The following NTM variants were observed in gnomAD, a reference collection of about 807,000 sequenced individuals.
The protein encoded by NTM is IgLON family member 2.
Under a neutral mutation model 42.1 loss-of-function variants are expected in NTM, and 13 were observed. That is an observed-to-expected ratio of 0.31 (90% CI 0.20 to 0.49). The LOEUF is 0.49. Ranked by LOEUF, NTM falls within the 20% of genes least tolerant of loss-of-function variation. NTM has a pLI of 0.99. For missense variants in NTM, 373 were observed against 452.8 expected, an observed-to-expected ratio of 0.82 and a Z score of 1.60; for synonymous variants, 187 against 179.2, an observed-to-expected ratio of 1.04 and a Z score of -0.35.
chr11:131,752,176 T>C (rs1237305470), intron 1 of NTM, among the ~76,000 whole-genome samples: 1 of 152,180 alleles, frequency 6.6e-6, no homozygotes, highest in Non-Finnish European at 1.5e-5. Flanking sequence ...TGGAAAATGC[T>C]AGAACCACTT....
chr11:131,994,214 T>C lies in NTM; in HGVS notation c.167+82566T>C, dbSNP rs564913791. 5.3e-5 allele frequency among the ~76,000 whole-genome samples: 8 copies of C among 152,344 alleles called. 1 individual carries two copies. The South Asian group carries it at 1.7e-3, about 32-fold the overall frequency. Reference sequence around the variant, plus strand: ...CCTTGAGAAGAACAGTTGTATTCTTTATTGTTATTTACATACATATCTGTC... The same window carrying C: ...CCTTGAGAAGAACAGTTGTATTCTTCATTGTTATTTACATACATATCTGTC... On this transcript the variant is annotated intron_variant, in intron 2 of 8. Transcript: ENST00000683400.
intron 1 of NTM, among the ~76,000 whole-genome samples, chr11:131,429,114 A>G (rs1465791091): frequency 1.3e-5 from 2 of 152,100 alleles, no homozygotes; most frequent in African/African-American, 2.4e-5. Context: ...ATATGGTTCT[A>G]CCACAGAGCC....
At chr11:132,129,156 T>C (rs1228699532) in intron 2 of NTM, among the ~76,000 whole-genome samples, 1 of 152,054 alleles carries the variant, frequency 6.6e-6, no homozygotes, top group African/African-American at 2.4e-5. Flanking sequence ...TGGGGTCTAT[T>C]GGTCATATAT....
intron 2 of NTM, among the ~76,000 whole-genome samples, chr11:132,117,681 G>A (rs2064102697): frequency 6.6e-6 from 1 of 152,152 alleles, no homozygotes; most frequent in Admixed American, 6.5e-5. Context: ...TTATTGGTCT[G>A]CATTGGATTT....
intron 4 of NTM, among the ~76,000 whole-genome samples, chr11:132,282,568 T>C (rs1206343430): frequency 6.6e-6 from 1 of 152,154 alleles, no homozygotes; most frequent in Admixed American, 6.5e-5. Flanking sequence ...AAAGCTCATG[T>C]TTTCCAAAAA....
intron 1 of NTM, among the ~76,000 whole-genome samples, chr11:131,500,716 T>C (rs1397374906): frequency 7.2e-6 from 1 of 139,254 alleles, no homozygotes; most frequent in Admixed American, 7.2e-5. Flanking sequence ...CTATATCTCC[T>C]AATGCTATCC....
intron 1 of NTM, among the ~76,000 whole-genome samples, chr11:131,424,881 A>AT (rs1947960272): frequency 1.0e-5 from 1 of 97,182 alleles, no homozygotes; most frequent in Non-Finnish European, 2.2e-5. Context: ...TTTTTTTTTT[A>AT]TTTTTTTATT....
intron 1 of NTM, among the ~76,000 whole-genome samples, chr11:131,620,677 TCACTC>T (rs1442649553): frequency 6.6e-6 from 1 of 152,208 alleles, no homozygotes; most frequent in East Asian, 1.9e-4. Flanking sequence ...CTCGCTGACT[TCACTC>T]AAGTCTATGC....
chr11:131,565,445 G>A (rs978768544), intron 1 of NTM, among the ~76,000 whole-genome samples: 4 of 152,262 alleles, frequency 2.6e-5, no homozygotes, highest in Admixed American at 6.5e-5. Flanking sequence ...CGGTGAGAGC[G>A]GGGTTGGTTC....
intron 1 of NTM, among the ~76,000 whole-genome samples, chr11:131,517,386 G>A (rs554275896): frequency 6.3e-4 from 96 of 152,236 alleles, no homozygotes; most frequent in Admixed American, 1.9e-3. Context: ...CCTTGGTTAC[G>A]GCATGGCCTG....
intron 1 of NTM, among the ~76,000 whole-genome samples, chr11:131,729,146 T>A (rs1287654434): frequency 1.3e-5 from 2 of 151,980 alleles, no homozygotes; most frequent in Non-Finnish European, 1.5e-5. Context: ...CTGTCCTGAG[T>A]TTTTTTTATC....
At position 131,708,274 on chromosome 11, in the gene NTM, C is replaced by G. The variant is rs1022922854; in HGVS notation, c.83-203290C>G. The stretch of plus-strand genomic sequence containing the variant: ...TAAAATAAACTGAAAATATGAAGAG[C>G]TAGTTAAAATACATGAATGTTCAAG... On this transcript the variant is annotated intron_variant, in intron 1 of 8. Transcript: ENST00000683400. Among the ~76,000 whole-genome samples, 4 of 152,112 alleles carry G rather than the reference C, an allele frequency of 2.6e-5. 1 individual carries two copies. The South Asian group carries it at 8.3e-4, about 31-fold the overall frequency.
chr11:131,599,826 T>C (rs1377311924), intron 1 of NTM, among the ~76,000 whole-genome samples: 1 of 152,160 alleles, frequency 6.6e-6, no homozygotes, highest in Non-Finnish European at 1.5e-5. Flanking sequence ...TGAAGAATGG[T>C]TGGGGATTTC....
At chr11:132,164,425 C>G (rs1236965441) in intron 3 of NTM, among the ~76,000 whole-genome samples, 1 of 152,196 alleles carries the variant, frequency 6.6e-6, no homozygotes, top group Non-Finnish European at 1.5e-5. Context: ...CTCATGAGCT[C>G]AGATGGCAAT....
At chr11:131,618,890 T>G (rs1021922724) in intron 1 of NTM, among the ~76,000 whole-genome samples, 1 of 152,206 alleles carries the variant, frequency 6.6e-6, no homozygotes, top group Admixed American at 6.5e-5. Context: ...AAGATGGTAT[T>G]CCTGAAGAAA....
intron 3 of NTM, among the ~76,000 whole-genome samples, chr11:132,209,875 A>G (rs979272165): frequency 1.3e-5 from 2 of 152,190 alleles, no homozygotes; most frequent in African/African-American, 4.8e-5. Flanking sequence ...CTTATTAATG[A>G]TGAGCATTTC....
rs527593512 is a variant in NTM, at chr11:132,267,763, A to T, written c.527-39926A>T. ...AGGTTGATGCAGGAGAATCACTTGA[A>T]CTGGGGAGGCAGATGTTGCAGCGAG... On this transcript the variant is annotated intron_variant, in intron 4 of 8. Coordinates refer to ENST00000683400, the MANE Select transcript of NTM (RefSeq NM_001352005.2). Among the ~76,000 whole-genome samples the T allele has an allele frequency of 7.3e-5, 11 of 151,692 alleles. No individual in the cohort carries two copies. The South Asian group carries it at 2.1e-3, about 29-fold the overall frequency.
rs375585109 is a variant in NTM at position 131,507,377 on chromosome 11, C to A, written c.82+136489C>A. On this transcript the variant is annotated intron_variant, in intron 1 of 8. Coordinates refer to ENST00000683400, the MANE Select transcript of NTM (RefSeq NM_001352005.2). ...AGATCAGATAGTTGTAGATATGCGG[C>A]GTTATTTCTGAGGGCTCTGTTCTGT... is the stretch of plus-strand genomic sequence containing the variant. 9.9e-4 allele frequency among the ~76,000 whole-genome samples: 149 copies of A among 150,824 alleles called. 1 individual carries two copies. The Middle Eastern group carries it at 0.01, about 10-fold the overall frequency.
At chr11:131,413,657 G>T (rs1011691401) in intron 1 of NTM, among the ~76,000 whole-genome samples, 1 of 152,206 alleles carries the variant, frequency 6.6e-6, no homozygotes, top group African/African-American at 2.4e-5. Context: ...CAGGCACACA[G>T]ACAGTTGGGT....
Sources: gnomAD v4.1 joint callset for allele counts (sites outside exome capture counted in the v4.1 genomes callset) on GRCh38, gnomAD v4.1.1 for gene constraint, MANE v1.5 for transcripts, NCBI Gene and HGNC (gene_info 2026-07-23, HGNC 2026-07-21) for gene names.